Variants in GLG1 observed in about 807,000 individuals in gnomAD.
The protein encoded by GLG1 is Golgi apparatus protein 1.
Under a neutral mutation model 160.5 loss-of-function variants are expected in GLG1, and 38 were observed. The ratio of observed to expected loss-of-function variants is 0.24; its 90% CI spans 0.18 to 0.31. The LOEUF is 0.31. Ranked by LOEUF, GLG1 falls within the 10% of genes least tolerant of loss-of-function variation. GLG1 has a pLI of 1.00. For missense variants in GLG1, 1,373 were observed against 1,505.2 expected (o/e 0.91, Z 1.45); for synonymous variants, 644 against 543.4 (o/e 1.19, Z -2.57).
At position 74,452,417 on chromosome 16, in the gene GLG1, C is replaced by A. The variant is rs968680399; in HGVS notation, c.*750G>T. On this transcript the variant is annotated 3_prime_UTR_variant, in exon 26 of 26. Coordinates refer to ENST00000422840, the MANE Select transcript of GLG1 (RefSeq NM_001145667.2). The stretch of plus-strand genomic sequence containing the variant: ...CTTCACAAACTTCCGGTCCCTTCCC[C>A]TCCCCAGCTGCCCTTGTCTAGGAAG... 1.7e-6 allele frequency: 2 copies of A among 1,177,056 alleles called. No homozygotes were observed. Among genetic ancestry groups the A allele is most frequent in the Non-Finnish European group, 2.1e-6 (2 of 943,340 alleles). 72.9% of individuals were successfully genotyped at this position (1,177,056 alleles called of 1,614,324 possible).
chr16:74,552,671 G>C (rs1302354611), intron 1 of GLG1: 1 of 162,496 alleles, frequency 6.2e-6, no homozygotes, highest in African/African-American at 2.5e-5. Context: ...AGAAAGCCGA[G>C]GCTGGGGTTG....
intron 13 of GLG1, among the ~76,000 whole-genome samples, chr16:74,473,152 C>A (rs939923968): frequency 1.3e-5 from 2 of 152,198 alleles, no homozygotes; most frequent in Non-Finnish European, 2.9e-5. Context: ...ACATGTTTAG[C>A]TGCCCTCCTC....
In GLG1 at chr16:74,595,081, A is replaced by G. The variant is rs374279969; in HGVS notation, c.438+11576T>C. 8.4e-3 allele frequency among the ~76,000 whole-genome samples: 1,259 copies of G among 149,216 alleles called. 2 individuals are homozygous for G. The highest frequency in any genetic ancestry group is 0.03 in the Middle Eastern group (8 of 264). On this transcript the variant is annotated intron_variant, in intron 1 of 25. Coordinates refer to ENST00000422840, the MANE Select transcript of GLG1 (RefSeq NM_001145667.2). ...CAGACGCCTGTAGTCCCAGCTACTC[A>G]GGAGGCTGAGGCAGGAGAACGGCAT...
chr16:74,511,511 G>C (rs2016801923), intron 2 of GLG1, among the ~76,000 whole-genome samples: 1 of 150,378 alleles, frequency 6.6e-6, no homozygotes. Context: ...AATTAGCCAG[G>C]CGTGGTGGTG....
At chr16:74,478,829 AT>A (rs199969792) in intron 11 of GLG1, among the ~76,000 whole-genome samples, 3,058 of 146,096 alleles carry the variant, frequency 0.021, 109 homozygotes, top group African/African-American at 0.072. Flanking sequence ...GGAGGCGGAG[AT>A]TGTGGTGAGC....
At chr16:74,537,851 T>G (rs1213340419) in intron 1 of GLG1, among the ~76,000 whole-genome samples, 1 of 151,104 alleles carries the variant, frequency 6.6e-6, no homozygotes, top group Non-Finnish European at 1.5e-5. Context: ...CTGAAAAGCT[T>G]GAGTCTGAAT....
intron 12 of GLG1, among the ~76,000 whole-genome samples, chr16:74,476,306 C>T (rs1357609958): frequency 1.3e-5 from 2 of 152,146 alleles, no homozygotes; most frequent in Admixed American, 6.5e-5. Context: ...TCCAAATCAC[C>T]ATATCCCTTG....
chr16:74,465,180 G>A (rs2014954950), intron 19 of GLG1, among the ~76,000 whole-genome samples: 1 of 152,178 alleles, frequency 6.6e-6, no homozygotes, highest in Non-Finnish European at 1.5e-5. Flanking sequence ...TCAGGGAACT[G>A]ACATCTAGGT....
At chr16:74,544,514 G>T (rs2017990410) in intron 1 of GLG1, among the ~76,000 whole-genome samples, 1 of 151,474 alleles carries the variant, frequency 6.6e-6, no homozygotes, top group Non-Finnish European at 1.5e-5. Context: ...TGTTTGTTTG[G>T]TTGGTTTTTT....
At chr16:74,460,648 CACAA>C (rs754708011) in intron 22 of GLG1, among the ~76,000 whole-genome samples, 7 of 152,224 alleles carry the variant, frequency 4.6e-5, no homozygotes, top group African/African-American at 9.6e-5. Flanking sequence ...CAGGGCTCAT[CACAA>C]ACAGTTTCCT....
chr16:74,473,914 T>C (rs371466545), intron 13 of GLG1, among the ~76,000 whole-genome samples: 4 of 152,036 alleles, frequency 2.6e-5, no homozygotes, highest in South Asian at 4.2e-4. Context: ...AATGTGTAGA[T>C]TGCTCTTGAA....
At chr16:74,600,302 A>C (rs1958410285) in intron 1 of GLG1, among the ~76,000 whole-genome samples, 1 of 151,856 alleles carries the variant, frequency 6.6e-6, no homozygotes, top group Non-Finnish European at 1.5e-5. Context: ...CTGAAGTGGG[A>C]GGAGAGCTTG....
intron 20 of GLG1, 119 bp downstream of exon 20, chr16:74,463,237 A>C: frequency 1.1e-6 from 1 of 945,764 alleles, no homozygotes; most frequent in Non-Finnish European, 1.6e-6. Flanking sequence ...TTACACTCAG[A>C]CTCCTCCCTT....
At chr16:74,459,359 T>C (rs1567455131) in intron 23 of GLG1, among the ~76,000 whole-genome samples, 2 of 152,096 alleles carry the variant, frequency 1.3e-5, no homozygotes, top group Non-Finnish European at 2.9e-5. Context: ...GCGCCTATAG[T>C]CCCAGCTACT....
At chr16:74,601,630 T>C (rs1488309683) in intron 1 of GLG1, among the ~76,000 whole-genome samples, 2 of 152,126 alleles carry the variant, frequency 1.3e-5, no homozygotes, top group East Asian at 1.9e-4. Flanking sequence ...TTAAGGTGAG[T>C]TGGGATTTGA....
At chr16:74,595,092 G>C (rs1254297570) in intron 1 of GLG1, among the ~76,000 whole-genome samples, 1 of 151,930 alleles carries the variant, frequency 6.6e-6, no homozygotes, top group Non-Finnish European at 1.5e-5. Context: ...GGAGGCTGAG[G>C]CAGGAGAACG....
intron 1 of GLG1, among the ~76,000 whole-genome samples, chr16:74,576,178 C>G (rs1179137630): frequency 6.6e-6 from 1 of 151,464 alleles, no homozygotes; most frequent in Non-Finnish European, 1.5e-5. Context: ...GTCTGCGCGA[C>G]AGAGCGAGAC....
At chr16:74,593,890 T>C (rs541211794) in intron 1 of GLG1, among the ~76,000 whole-genome samples, 141 of 152,256 alleles carry the variant, frequency 9.3e-4, no homozygotes, top group African/African-American at 3.3e-3. Flanking sequence ...TTTAAATAAG[T>C]ATAACATTTT....
At chr16:74,461,897 C>A in intron 22 of GLG1, 197 bp downstream of exon 22, 1 of 514,024 alleles carries the variant, frequency 1.9e-6, no homozygotes, top group Non-Finnish European at 3.4e-6. Flanking sequence ...TGGAACAACG[C>A]TTTAGAGTGT....
Sources: gnomAD v4.1 joint callset for allele counts (sites outside exome capture counted in the v4.1 genomes callset) on GRCh38, gnomAD v4.1.1 for gene constraint, MANE v1.5 for transcripts, NCBI Gene and HGNC (gene_info 2026-07-23, HGNC 2026-07-21) for gene names.